The following TP63 variants were observed in gnomAD, a reference collection of about 807,000 sequenced individuals.
The protein encoded by TP63 is tumor protein p63.
In TP63, 17 loss-of-function variants were observed where a neutral mutation model predicts 82.8. That is an observed-to-expected ratio of 0.21 (90% CI 0.14 to 0.31). The LOEUF is 0.31. Ranked by LOEUF, TP63 falls within the 10% of genes least tolerant of loss-of-function variation. The pLI is 1.00. For synonymous variants in TP63, 330 were observed against 321.7 expected, an observed-to-expected ratio of 1.03 and a Z score of -0.28; for missense variants, 648 against 895.3, an observed-to-expected ratio of 0.72 and a Z score of 3.52.
intron 4 of TP63, among the ~76,000 whole-genome samples, chr3:189,863,164 G>A (rs1021486071): frequency 3.3e-5 from 5 of 152,114 alleles, no homozygotes; most frequent in South Asian, 4.1e-4. Context: ...GCCAACTTAC[G>A]ATTGCAACCT....
chr3:189,745,172 C>A (rs1721272840), intron 3 of TP63, among the ~76,000 whole-genome samples: 1 of 152,054 alleles, frequency 6.6e-6, no homozygotes, highest in South Asian at 2.1e-4. Context: ...ACTATTCTAC[C>A]AGATGTGCAG....
At chr3:189,633,681 C>T (rs936974227) in intron 1 of TP63, among the ~76,000 whole-genome samples, 1 of 152,034 alleles carries the variant, frequency 6.6e-6, no homozygotes, top group African/African-American at 2.4e-5. Context: ...TGTTGAGAAG[C>T]TGTGAGACTA....
chr3:189,808,953 T>A (rs1344390348), intron 4 of TP63, among the ~76,000 whole-genome samples: 1 of 152,126 alleles, frequency 6.6e-6, no homozygotes, highest in African/African-American at 2.4e-5. Context: ...AGTAAAATAA[T>A]AAATATAGTG....
intron 4 of TP63, among the ~76,000 whole-genome samples, chr3:189,829,399 G>A (rs1038871332): frequency 6.6e-6 from 1 of 152,192 alleles, no homozygotes; most frequent in Non-Finnish European, 1.5e-5. Context: ...AAACAAGTTA[G>A]CATCCAACTA....
intron 3 of TP63, among the ~76,000 whole-genome samples, chr3:189,751,162 T>C (rs1721793855): frequency 6.6e-6 from 1 of 152,236 alleles, no homozygotes; most frequent in Non-Finnish European, 1.5e-5. Flanking sequence ...TCCTTTTTTA[T>C]GGCTGCATAG....
At chr3:189,881,383 C>G (rs993194187) in intron 10 of TP63, 1 of 985,356 alleles carries the variant, frequency 1.0e-6, no homozygotes, top group Middle Eastern at 5.2e-4. Flanking sequence ...CTTCCCACAC[C>G]CAGTCACCAG....
chr3:189,805,715 A>G (rs1191871886), intron 3 of TP63, among the ~76,000 whole-genome samples: 1 of 152,196 alleles, frequency 6.6e-6, no homozygotes, highest in Admixed American at 6.5e-5. Context: ...CCTGAAGGCC[A>G]GTGAGTGTGC....
chr3:189,874,768 C>G (rs1421461820), intron 10 of TP63, among the ~76,000 whole-genome samples: 1 of 152,078 alleles, frequency 6.6e-6, no homozygotes, highest in South Asian at 2.1e-4. Flanking sequence ...TAAAACCATA[C>G]AACCAGGATC....
At chr3:189,819,884 G>A (rs939732755) in intron 4 of TP63, among the ~76,000 whole-genome samples, 1 of 150,256 alleles carries the variant, frequency 6.7e-6, no homozygotes, top group African/African-American at 2.4e-5. Context: ...CTGAACAGCT[G>A]GGATTACAGG....
At chr3:189,813,455 T>C (rs1050470058) in intron 4 of TP63, among the ~76,000 whole-genome samples, 11 of 152,150 alleles carry the variant, frequency 7.2e-5, no homozygotes, top group African/African-American at 2.7e-4. Context: ...TCCCCTCTAG[T>C]GATGAGGCTT....
chr3:189,885,547 G>A (rs2108852378), intron 10 of TP63, among the ~76,000 whole-genome samples: 1 of 152,338 alleles, frequency 6.6e-6, no homozygotes, highest in African/African-American at 2.4e-5. Flanking sequence ...GACTCTCATT[G>A]TAGTACACAT....
chr3:189,791,057 G>A (rs1014481910), intron 3 of TP63, among the ~76,000 whole-genome samples: 6 of 152,086 alleles, frequency 3.9e-5, no homozygotes, highest in African/African-American at 1.2e-4. Context: ...TGAGTTTCTT[G>A]TTTTGCAGTT....
At chr3:189,880,438 G>T in intron 10 of TP63, 2 of 1,075,702 alleles carry the variant, frequency 1.9e-6, no homozygotes. Flanking sequence ...GAACCACTGT[G>T]TTTGTCTGTG....
chr3:189,597,104 G>C, the TP63 span, among the ~76,000 whole-genome samples: 2 of 152,136 alleles, frequency 1.3e-5, no homozygotes, highest in African/African-American at 4.8e-5. Context: ...TCACCGCCAG[G>C]GTCCGCGGCT....
chr3:189,871,429 A>G (rs1718404819), intron 9 of TP63, among the ~76,000 whole-genome samples: 1 of 152,208 alleles, frequency 6.6e-6, no homozygotes, highest in Non-Finnish European at 1.5e-5. Context: ...GTGAGTACCC[A>G]AGAAGCTCCA....
the TP63 span, among the ~76,000 whole-genome samples, chr3:189,607,258 G>A: frequency 1.3e-5 from 2 of 152,178 alleles, no homozygotes; most frequent in African/African-American, 4.8e-5. Flanking sequence ...AACATTAGTA[G>A]CAAAACTGAT....
intron 4 of TP63, among the ~76,000 whole-genome samples, chr3:189,862,547 T>G (rs1717170387): frequency 6.6e-6 from 1 of 152,210 alleles, no homozygotes; most frequent in African/African-American, 2.4e-5. Flanking sequence ...GATACCTTAT[T>G]TGCCTTTAGG....
intron 4 of TP63, among the ~76,000 whole-genome samples, chr3:189,812,950 A>G (rs1727735299): frequency 6.6e-6 from 1 of 152,152 alleles, no homozygotes; most frequent in Admixed American, 6.5e-5. Flanking sequence ...CCACTATCCA[A>G]ATATATGAAT....
intron 1 of TP63, among the ~76,000 whole-genome samples, chr3:189,685,831 T>A (rs188520233): frequency 2.3e-4 from 35 of 152,282 alleles, no homozygotes; most frequent in Admixed American, 1.8e-3. Context: ...AATATATTTC[T>A]CCTTCTTAAA....
Sources: allele counts gnomAD v4.1 joint callset (sites outside exome capture counted in the v4.1 genomes callset), GRCh38; gene constraint gnomAD v4.1.1; transcripts MANE v1.5; gene names NCBI Gene and HGNC (gene_info 2026-07-23, HGNC 2026-07-21).